The following FBXL7 variants were observed in gnomAD, a reference collection of about 807,000 sequenced individuals.
FBXL7 encodes the protein F-box/LRR-repeat protein 7.
A neutral mutation model predicts 38.3 loss-of-function variants in FBXL7; 12 were observed. The ratio of observed to expected loss-of-function variants is 0.31; its 90% CI spans 0.20 to 0.51. FBXL7 has a LOEUF of 0.51. FBXL7 is among the 20% of genes least tolerant of loss of function. The probability of loss-of-function intolerance (pLI) is 0.98; values close to 1 mark genes in which losing one functional copy is unlikely to be tolerated. For synonymous variants in FBXL7, 297 were observed against 300.9 expected, an observed-to-expected ratio of 0.99 and a Z score of 0.13; for missense variants, 567 against 676.4, an observed-to-expected ratio of 0.84 and a Z score of 1.79.
chr5:15,524,084 A>G (rs991709350), intron 1 of FBXL7, among the ~76,000 whole-genome samples: 2 of 152,216 alleles, frequency 1.3e-5, no homozygotes, highest in Non-Finnish European at 2.9e-5. Flanking sequence ...ATCTAACCAA[A>G]TAAGGACATA....
At chr5:15,780,831 G>A (rs1319281745) in intron 2 of FBXL7, among the ~76,000 whole-genome samples, 4 of 152,182 alleles carry the variant, frequency 2.6e-5, no homozygotes, top group Non-Finnish European at 5.9e-5. Context: ...CAGGCATTGA[G>A]TCAGATATTT....
intron 1 of FBXL7, among the ~76,000 whole-genome samples, chr5:15,512,408 A>T (rs1736823730): frequency 6.6e-6 from 1 of 152,122 alleles, no homozygotes; most frequent in Non-Finnish European, 1.5e-5. Flanking sequence ...AACCCTCCTC[A>T]CACTGTAGGT....
At chr5:15,913,766 ATG>A (rs1741506984) in intron 2 of FBXL7, among the ~76,000 whole-genome samples, 1 of 152,196 alleles carries the variant, frequency 6.6e-6, no homozygotes, top group Admixed American at 6.5e-5. Flanking sequence ...ATGAAAATAC[ATG>A]TGTTTCTTCT....
At chr5:15,528,216 G>A (rs2126386331) in intron 1 of FBXL7, among the ~76,000 whole-genome samples, 1 of 152,176 alleles carries the variant, frequency 6.6e-6, no homozygotes, top group African/African-American at 2.4e-5. Context: ...TTATCTACAG[G>A]GAAACTTCTC....
chr5:15,582,577 T>G (rs1739176582), intron 1 of FBXL7, among the ~76,000 whole-genome samples: 1 of 152,234 alleles, frequency 6.6e-6, no homozygotes, highest in Non-Finnish European at 1.5e-5. Context: ...TCAGTGACAG[T>G]TTACTTGACC....
At chr5:15,824,408 C>A (rs1738254412) in intron 2 of FBXL7, among the ~76,000 whole-genome samples, 1 of 151,988 alleles carries the variant, frequency 6.6e-6, no homozygotes, top group South Asian at 2.1e-4. Flanking sequence ...CAGGTGTACT[C>A]CTCGGCACTT....
At chr5:15,800,182 A>G (rs1737524916) in intron 2 of FBXL7, among the ~76,000 whole-genome samples, 1 of 152,160 alleles carries the variant, frequency 6.6e-6, no homozygotes, top group Non-Finnish European at 1.5e-5. Flanking sequence ...TTAAGAGTGG[A>G]AGTAGATTGA....
At chr5:15,664,141 G>A (rs1035564689) in intron 2 of FBXL7, among the ~76,000 whole-genome samples, 3 of 151,244 alleles carry the variant, frequency 2.0e-5, no homozygotes, top group Admixed American at 6.6e-5. Context: ...TTTTATATTG[G>A]GGTTTCTCTA....
At chr5:15,701,644 A>G (rs1743527944) in intron 2 of FBXL7, among the ~76,000 whole-genome samples, 3 of 152,244 alleles carry the variant, frequency 2.0e-5, no homozygotes, top group South Asian at 4.1e-4. Context: ...ACATGGGAAC[A>G]TGATAAATCT....
chr5:15,935,406 C>G, intron 3 of FBXL7: 1 of 362,126 alleles, frequency 2.8e-6, no homozygotes, highest in East Asian at 8.1e-5. Context: ...TGCACAGGGG[C>G]AAGCTTCGAG....
At chr5:15,674,807 T>C (rs1239924114) in intron 2 of FBXL7, among the ~76,000 whole-genome samples, 1 of 152,236 alleles carries the variant, frequency 6.6e-6, no homozygotes, top group Admixed American at 6.5e-5. Flanking sequence ...TTTCCCTGTG[T>C]TATCAGAAAG....
intron 1 of FBXL7, among the ~76,000 whole-genome samples, chr5:15,517,087 C>T (rs1034083510): frequency 5.9e-5 from 9 of 151,618 alleles, no homozygotes; most frequent in Non-Finnish European, 1.0e-4. Context: ...AGTGCAGTGG[C>T]GGGATCTCGG....
At chr5:15,604,158 C>T (rs1379244270) in intron 1 of FBXL7, among the ~76,000 whole-genome samples, 1 of 152,112 alleles carries the variant, frequency 6.6e-6, no homozygotes, top group Non-Finnish European at 1.5e-5. Flanking sequence ...CAGAGTGATA[C>T]TCTGTCTCCA....
intron 2 of FBXL7, among the ~76,000 whole-genome samples, chr5:15,666,189 T>A (rs895286723): frequency 2.6e-5 from 4 of 152,206 alleles, no homozygotes; most frequent in African/African-American, 9.6e-5. Context: ...CTTGTTTTTA[T>A]TATTATTTTT....
At chr5:15,514,954 A>G (rs968277380) in intron 1 of FBXL7, among the ~76,000 whole-genome samples, 1 of 152,168 alleles carries the variant, frequency 6.6e-6, no homozygotes, top group African/African-American at 2.4e-5. Context: ...CAACTACATC[A>G]TAGACCACCT....
At chr5:15,745,298 C>G (rs1735986226) in intron 2 of FBXL7, among the ~76,000 whole-genome samples, 1 of 152,142 alleles carries the variant, frequency 6.6e-6, no homozygotes, top group Non-Finnish European at 1.5e-5. Context: ...AGCTAATGCA[C>G]TATTTTTACT....
chr5:15,506,661 C>T (rs1481547868), intron 1 of FBXL7, among the ~76,000 whole-genome samples: 1 of 152,016 alleles, frequency 6.6e-6, no homozygotes, highest in East Asian at 1.9e-4. Flanking sequence ...GGGCCCTCTT[C>T]TGAGTTGCAG....
intron 1 of FBXL7, among the ~76,000 whole-genome samples, chr5:15,608,800 G>A (rs1580402479): frequency 1.3e-5 from 2 of 152,040 alleles, no homozygotes; most frequent in Non-Finnish European, 2.9e-5. Context: ...AACAATTCAA[G>A]TTTAAAAAAT....
chr5:15,581,158 A>G (rs1286418528), intron 1 of FBXL7, among the ~76,000 whole-genome samples: 1 of 152,194 alleles, frequency 6.6e-6, no homozygotes, highest in Non-Finnish European at 1.5e-5. Context: ...CTCGAAGCCT[A>G]CTGAGTACCA....
Sources: gnomAD v4.1 joint callset for allele counts (sites outside exome capture counted in the v4.1 genomes callset) on GRCh38, gnomAD v4.1.1 for gene constraint, MANE v1.5 for transcripts, NCBI Gene and HGNC (gene_info 2026-07-23, HGNC 2026-07-21) for gene names.